Variants in RASA3 observed in about 807,000 individuals in gnomAD.
The protein encoded by RASA3 is ras GTPase-activating protein 3.
In RASA3, 73 loss-of-function variants were observed where a neutral mutation model predicts 110.0. The observed-to-expected ratio is 0.66, with a 90% CI of 0.55 to 0.81. The LOEUF (loss-of-function observed/expected upper bound fraction) is 0.81, where lower values mean the gene tolerates loss of function less well. Among genes scored for constraint, RASA3 ranks in the 30% least tolerant of loss-of-function variants. The pLI is 0.00. For missense variants in RASA3, 976 were observed against 1,113.2 expected (o/e 0.88, Z 1.75); for synonymous variants, 500 against 451.4 (o/e 1.11, Z -1.37).
At chr13:114,045,278 A>G (rs1392881713) in intron 3 of RASA3, among the ~76,000 whole-genome samples, 1 of 152,204 alleles carries the variant, frequency 6.6e-6, no homozygotes, top group Non-Finnish European at 1.5e-5. Context: ...CGAAAAGTTT[A>G]CCGAACACTC....
chr13:114,114,081 AAGTGTCTGCGATGTCTGT>A lies in RASA3; in HGVS notation c.55+18336_55+18353del, dbSNP rs1181238578. Among the ~76,000 whole-genome samples, 77 of 152,096 alleles carry A rather than the reference AAGTGTCTGCGATGTCTGT, an allele frequency of 5.1e-4. No homozygotes were observed. Among genetic ancestry groups the A allele is most frequent in the African/African-American group, 1.7e-3 (71 of 41,470 alleles). ...CATCCATCAATCCACCCACCACAGC[AAGTGTCTGCGATGTCTGT>A]AGTGTCTGCGATGTCTGTAGTATCT... On this transcript the variant is annotated intron_variant, in intron 1 of 23. Coordinates refer to ENST00000334062, the MANE Select transcript of RASA3 (RefSeq NM_007368.4). The surrounding 1 kb of genome is among the most constrained non-coding windows in gnomAD (Gnocchi z 4.8).
intron 1 of RASA3, among the ~76,000 whole-genome samples, chr13:114,130,036 G>A (rs4883651): frequency 0.79 from 120,664 of 152,170 alleles, 48,210 homozygotes; most frequent in Admixed American, 0.87. Context: ...CACCAGCGCC[G>A]CTCAGGGTCA....
rs1182674991 is a variant in RASA3, at chr13:114,096,250, G to A, written c.56-22413C>T. Among the ~76,000 whole-genome samples the A allele has an allele frequency of 4.6e-5, 7 of 152,306 alleles. No homozygotes were observed. The South Asian group carries it at 1.2e-3, about 27-fold the overall frequency. On this transcript the variant is annotated intron_variant, in intron 1 of 23. Transcript: ENST00000334062. The surrounding 1 kb of genome is among the most constrained non-coding windows in gnomAD (Gnocchi z 5.1). ...CCCGGCGTGCTGCCTGGGAGTCCAC[G>A]TTCTCGAAAATGCAGGGTGACCCTG...
intron 1 of RASA3, among the ~76,000 whole-genome samples, chr13:114,125,120 T>C (rs1433007506): frequency 1.3e-5 from 2 of 152,226 alleles, no homozygotes; most frequent in African/African-American, 2.4e-5. Flanking sequence ...TTGAATCTTA[T>C]GCCGTGGAAC....
Position 114,065,578 on chromosome 13 carries a change from G to A in RASA3, c.173+8142C>T, listed in dbSNP as rs2079432537. On this transcript the variant is annotated intron_variant, in intron 2 of 23. Coordinates refer to ENST00000334062, the MANE Select transcript of RASA3 (RefSeq NM_007368.4). The surrounding 1 kb of genome is among the most constrained non-coding windows in gnomAD (Gnocchi z 4.1). ...AATGCTCCATCTCCGCAAAGGACAG[G>A]AGGCAAAACACACCCATCAGAAGCA... Among the ~76,000 whole-genome samples, 2 of 152,174 alleles carry A rather than the reference G, an allele frequency of 1.3e-5. No homozygotes were observed. Among genetic ancestry groups the A allele is most frequent in the East Asian group, 3.9e-4 (2 of 5,176 alleles).
chr13:114,005,776 TC>T (rs79965139), intron 18 of RASA3, among the ~76,000 whole-genome samples: 2 of 40,128 alleles, frequency 5.0e-5, no homozygotes, highest in Non-Finnish European at 4.1e-5. Context: ...CTTACCCTTC[TC>T]CCCCCTCCTG....
At chr13:114,072,141 G>A (rs2079582618) in intron 2 of RASA3, among the ~76,000 whole-genome samples, 1 of 152,052 alleles carries the variant, frequency 6.6e-6, no homozygotes, top group South Asian at 2.1e-4. Context: ...CTGAGGCCCT[G>A]CCTGGCACAC....
intron 10 of RASA3, 112 bp downstream of exon 10, chr13:114,018,651 A>T (rs1174787545): frequency 7.4e-6 from 10 of 1,358,064 alleles, no homozygotes; most frequent in Non-Finnish European, 1.0e-5. Flanking sequence ...GAGGCGTGGG[A>T]AAGGCCCCCT....
chr13:114,031,700 A>G (rs949544286), intron 4 of RASA3, among the ~76,000 whole-genome samples: 2 of 152,136 alleles, frequency 1.3e-5, no homozygotes, highest in African/African-American at 4.8e-5. Flanking sequence ...CTCCAGCCTG[A>G]ATGGCAATGA....
In RASA3 at chr13:114,121,484, C is replaced by T. The variant is rs1013067774; in HGVS notation, c.55+10951G>A. ...CGGAGCCTCCCTTACCTCCACCCAACACTGCACATCAAGCCGTGCAACCCT... is the reference window on the plus strand; with the variant it reads ...CGGAGCCTCCCTTACCTCCACCCAATACTGCACATCAAGCCGTGCAACCCT... On this transcript the variant is annotated intron_variant, in intron 1 of 23. Transcript: ENST00000334062. Among the ~76,000 whole-genome samples the T allele has an allele frequency of 1.2e-4, 18 of 152,354 alleles. No individual in the cohort carries two copies. In the South Asian group the frequency reaches 2.3e-3, roughly 19 times the overall value.
intron 1 of RASA3, among the ~76,000 whole-genome samples, chr13:114,127,103 C>T (rs1050302338): frequency 2.6e-5 from 4 of 152,246 alleles, no homozygotes; most frequent in Non-Finnish European, 4.4e-5. Context: ...AAACATGACG[C>T]GCCACCTGCA....
At chr13:113,991,888 ACATG>A (rs1175107834) in intron 22 of RASA3, among the ~76,000 whole-genome samples, 1 of 152,138 alleles carries the variant, frequency 6.6e-6, no homozygotes, top group Non-Finnish European at 1.5e-5. Flanking sequence ...CCCCACACAC[ACATG>A]CTCACACATG....
At chr13:114,117,862 T>A (rs1167987490) in intron 1 of RASA3, among the ~76,000 whole-genome samples, 1 of 129,142 alleles carries the variant, frequency 7.7e-6, no homozygotes, top group Non-Finnish European at 1.6e-5. Context: ...TGTATGCACA[T>A]CTGTGGGTGA....
At chr13:114,051,700 T>C (rs1594389896) in intron 3 of RASA3, among the ~76,000 whole-genome samples, 1 of 121,828 alleles carries the variant, frequency 8.2e-6, no homozygotes, top group Non-Finnish European at 1.6e-5. Flanking sequence ...CAAGACGTGG[T>C]GAGGAGGGAG....
chr13:114,097,401 C>T (rs1194456682), intron 1 of RASA3, among the ~76,000 whole-genome samples: 2 of 152,226 alleles, frequency 1.3e-5, no homozygotes, highest in Non-Finnish European at 2.9e-5. Flanking sequence ...CCCAAACACC[C>T]ATCCTATTCC....
At position 114,007,546 on chromosome 13, in the gene RASA3, C is replaced by T. The variant is rs74116414; in HGVS notation, c.1729G>A (p.Val577Met). 5,529 of 1,612,106 alleles carry T rather than the reference C, an allele frequency of 3.4e-3. 201 individuals carry two copies. In the African/African-American group the frequency reaches 0.063, roughly 18 times the overall value. The part of the protein sequence containing the change: ...RDPKSVEQPI[V>M]LKEGFMIKRA... The stretch of plus-strand genomic sequence containing the variant: ...TACCCTCCTTACCCTTCTTTAAGCA[C>T]GATGGGCTGCTCAACACTCTTGGGG... The change falls in exon 18 of 24, where the codon GTG (valine) becomes ATG (methionine). Residue 577 changes from valine to methionine, a missense_variant. Val to Met is a conservative substitution (Grantham distance 21). Transcript: ENST00000334062.
rs1478015647 is a variant in RASA3, at chr13:113,996,499, T to C, written c.2141+32A>G. ...CCCCTTGGCCACATTTCCTGCACAG[T>C]GCACGAGCTGGGCACCGAGGCACAG... On this transcript the variant is annotated intron_variant, in intron 21 of 23. Coordinates refer to ENST00000334062, the MANE Select transcript of RASA3 (RefSeq NM_007368.4). The C allele has an allele frequency of 2.5e-6, 4 of 1,594,788 alleles. No individual in the cohort carries two copies. In the African/African-American group the frequency reaches 4.0e-5, roughly 16 times the overall value.
chr13:114,031,020 C>T (rs985415333), intron 4 of RASA3, among the ~76,000 whole-genome samples: 14 of 142,792 alleles, frequency 9.8e-5, no homozygotes, highest in African/African-American at 2.4e-4. Flanking sequence ...TGCCTGTGTG[C>T]GTGCAACTGT....
intron 2 of RASA3, among the ~76,000 whole-genome samples, chr13:114,071,967 G>A (rs2079579524): frequency 6.6e-6 from 1 of 152,200 alleles, no homozygotes; most frequent in South Asian, 2.1e-4. Context: ...CACGACCCAT[G>A]CTTCTGAACT....
Sources: allele counts gnomAD v4.1 joint callset (sites outside exome capture counted in the v4.1 genomes callset), GRCh38; gene constraint gnomAD v4.1.1; non-coding constraint Gnocchi (gnomAD v3.1); transcripts MANE v1.5; gene names NCBI Gene and HGNC (gene_info 2026-07-23, HGNC 2026-07-21).